H2BC12: variants seen among roughly 807,000 people sequenced by gnomAD.
H2BC12 encodes the protein H2B clustered histone 12.
A neutral mutation model predicts 6.3 loss-of-function variants in H2BC12; 6 were observed. The observed-to-expected ratio is 0.95, with a 90% CI of 0.52 to 1.87. The LOEUF (loss-of-function observed/expected upper bound fraction) is 1.87, where lower values mean the gene tolerates loss of function less well. H2BC12 is among the 40% of genes most tolerant of loss of function. H2BC12 has a pLI of 0.01. For synonymous variants in H2BC12, 132 were observed against 78.5 expected, an observed-to-expected ratio of 1.68 and a Z score of -3.60; for missense variants, 119 against 178.4, an observed-to-expected ratio of 0.67 and a Z score of 1.90.
rs377431207 is a variant in H2BC12 at position 27,146,810 on chromosome 6, A to C, written c.-12T>G. 3.3e-5 allele frequency: 53 copies of C among 1,613,210 alleles called. No individual in the cohort carries two copies. The African/African-American group carries it at 6.0e-4, about 18-fold the overall frequency. On this transcript the variant is annotated 5_prime_UTR_variant, in exon 1 of 1. Transcript: ENST00000356950. Reference sequence around the variant, plus strand: ...GCTGGTTCCGGCATGTTGAAGGCGAACTACGAGCCTGAGACGAGCAGCAGA... The same window carrying C: ...GCTGGTTCCGGCATGTTGAAGGCGACCTACGAGCCTGAGACGAGCAGCAGA...
downstream of H2BC12, among the ~76,000 whole-genome samples, chr6:27,141,536 T>G (rs1470350570): frequency 6.6e-6 from 1 of 152,270 alleles, no homozygotes; most frequent in East Asian, 1.9e-4. Flanking sequence ...CACACTCTCT[T>G]AGTAGATAGA....
At chr6:27,146,142 TTC>T (rs1760074848), downstream of H2BC12, among the ~76,000 whole-genome samples, 1 of 152,196 alleles carries the variant, frequency 6.6e-6, no homozygotes, top group African/African-American at 2.4e-5. Context: ...AGGAAGCACT[TTC>T]TGTTAACACA....
chr6:27,139,509 C>G, the H2BC12 span: 1 of 1,611,006 alleles, frequency 6.2e-7, no homozygotes. Flanking sequence ...AGAACGTGAT[C>G]CGGGACGCCG....
chr6:27,138,505 T>C, the H2BC12 span: 3 of 152,254 alleles, frequency 2.0e-5, no homozygotes, highest in Admixed American at 2.0e-4. Flanking sequence ...AATGATTCTC[T>C]TTGGAATCTG....
At chr6:27,143,654 G>A (rs185126810), downstream of H2BC12, among the ~76,000 whole-genome samples, 355 of 150,696 alleles carry the variant, frequency 2.4e-3, 1 homozygote, top group African/African-American at 8.4e-3. Context: ...TGATTGCCAA[G>A]TCCCTAACCA....
downstream of H2BC12, chr6:27,146,331 C>T: frequency 1.3e-6 from 2 of 1,583,418 alleles, no homozygotes; most frequent in Non-Finnish European, 1.7e-6. Context: ...GGATTAGGAA[C>T]ACGTGTTTAC....
chr6:27,140,001 T>G, the H2BC12 span: 1 of 190,398 alleles, frequency 5.3e-6, no homozygotes. Flanking sequence ...ATGAGTTTGA[T>G]GGGCTCCACT....
downstream of H2BC12, among the ~76,000 whole-genome samples, chr6:27,143,846 T>TAAAA (rs34292040): frequency 1.2e-3 from 134 of 113,580 alleles, 3 homozygotes; most frequent in African/African-American, 3.5e-3. Flanking sequence ...AACTACTCTT[T>TAAAA]AAAAAAAAAA....
the H2BC12 span, chr6:27,139,863 G>T: frequency 4.4e-5 from 26 of 592,898 alleles, no homozygotes; most frequent in Admixed American, 3.4e-4. Context: ...TCTGGCGGCT[G>T]CCTGGAAATT....
In H2BC12 at chr6:27,146,676, G is replaced by C. The variant is rs779250612; in HGVS notation, c.123C>G (p.Tyr41Ter). Residue 41 changes from tyrosine (Y) to a stop codon, truncating the protein, a stop_gained, in exon 1 of 1, where the codon TAC (tyrosine) becomes TAG (stop). Coordinates refer to ENST00000356950, the MANE Select transcript of H2BC12 (RefSeq NM_001312653.2). LOFTEE classifies it high-confidence loss of function. Reference sequence around the variant, plus strand: ...GGACCTGCTTCAGCACCTTGTACACGTATACGGAGTAGCTCTCCTTGCGGC... The same window carrying C: ...GGACCTGCTTCAGCACCTTGTACACCTATACGGAGTAGCTCTCCTTGCGGC... ...KRSRKESYSV[Y>*]VYKVLKQVHP... 2 of 1,614,260 alleles carry C rather than the reference G, an allele frequency of 1.2e-6. No homozygotes were observed. The highest frequency in any genetic ancestry group is 1.7e-6 in the Non-Finnish European group (2 of 1,180,050).
the H2BC12 span, chr6:27,139,153 A>G: frequency 5.6e-6 from 4 of 719,168 alleles, no homozygotes; most frequent in African/African-American, 5.3e-5. Context: ...GAGGGAGTAG[A>G]GCACAGCAGG....
chr6:27,139,705 A>T, the H2BC12 span: 1 of 1,500,150 alleles, frequency 6.7e-7, no homozygotes, highest in Non-Finnish European at 8.9e-7. Flanking sequence ...AATGACTGCA[A>T]ACTGAGTCTC....
downstream of H2BC12, chr6:27,146,268 A>C (rs1562028372): frequency 7.7e-7 from 1 of 1,306,414 alleles, no homozygotes; most frequent in East Asian, 2.4e-5. Flanking sequence ...TGCATTACTC[A>C]GTGTGATAAG....
chr6:27,141,954 G>C (rs925379075), downstream of H2BC12, among the ~76,000 whole-genome samples: 2 of 152,188 alleles, frequency 1.3e-5, no homozygotes, highest in Non-Finnish European at 2.9e-5. Flanking sequence ...TGTGGCATGT[G>C]ACTGAGGGAG....
At chr6:27,144,475 G>C (rs1019325808), downstream of H2BC12, among the ~76,000 whole-genome samples, 2 of 103,740 alleles carry the variant, frequency 1.9e-5, no homozygotes, top group African/African-American at 3.9e-5. Flanking sequence ...GGGGGGGGGG[G>C]GGCGGAATCT....
chr6:27,146,554 G>T lies in H2BC12; in HGVS notation c.245C>A (p.Ala82Glu), dbSNP rs1213719391. The change falls in exon 1 of 1, where the codon GCG becomes GAG. Residue 82 changes from alanine to glutamate, a missense_variant. Ala to Glu is a moderately radical substitution (Grantham distance 107). Transcript: ENST00000356950. Reference protein sequence around the residue: ...ERIAGEASRLAHYNKRSTITS... With the variant: ...ERIAGEASRLEHYNKRSTITS... ...GATGGTCGAGCGCTTGTTGTAATGC[G>T]CCAGGCGGGAAGCCTCACCCGCGAT... 5.6e-6 allele frequency: 9 copies of T among 1,614,236 alleles called. No individual in the cohort carries two copies. Among genetic ancestry groups the T allele is most frequent in the Non-Finnish European group, 7.6e-6 (9 of 1,180,050 alleles).
rs1760092389 is a variant in H2BC12 at position 27,146,686 on chromosome 6, T to C, written c.113A>G (p.Tyr38Cys). 6.2e-7 allele frequency: 1 copy of C among 1,614,042 alleles called. No individual in the cohort carries two copies. Among genetic ancestry groups the C allele is most frequent in the Admixed American group, 1.7e-5 (1 of 59,992 alleles). The change falls in exon 1 of 1, where the codon TAC becomes TGC. Residue 38 changes from tyrosine (Y) to cysteine (C), a missense_variant. Physicochemically the swap from Tyr to Cys is radical, Grantham distance 194 (BLOSUM62 -2). Transcript: ENST00000356950. ...KKRKRSRKES[Y>C]SVYVYKVLKQ... Reference sequence around the variant, plus strand: ...CAGCACCTTGTACACGTATACGGAGTAGCTCTCCTTGCGGCTGCGCTTGCG... The same window carrying C: ...CAGCACCTTGTACACGTATACGGAGCAGCTCTCCTTGCGGCTGCGCTTGCG...
At chr6:27,141,854 A>G (rs952931599), downstream of H2BC12, among the ~76,000 whole-genome samples, 2 of 152,224 alleles carry the variant, frequency 1.3e-5, no homozygotes, top group Admixed American at 6.5e-5. Flanking sequence ...AATCCTTTGC[A>G]TAGTGCCCTA....
chr6:27,146,332 A>G, downstream of H2BC12: 1 of 1,584,324 alleles, frequency 6.3e-7, no homozygotes, highest in Non-Finnish European at 8.6e-7. Flanking sequence ...GATTAGGAAC[A>G]CGTGTTTACA....
Sources: allele counts gnomAD v4.1 joint callset (sites outside exome capture counted in the v4.1 genomes callset), GRCh38; gene constraint gnomAD v4.1.1; transcripts MANE v1.5; gene names NCBI Gene and HGNC (gene_info 2026-07-23, HGNC 2026-07-21).